The following KATNIP variants were observed in gnomAD, a reference collection of about 807,000 sequenced individuals.
KATNIP encodes the protein katanin-interacting protein.
In KATNIP, 126 loss-of-function variants were observed where a neutral mutation model predicts 174.0. The ratio of observed to expected loss-of-function variants is 0.72; its 90% CI spans 0.63 to 0.84. The LOEUF (loss-of-function observed/expected upper bound fraction) is 0.84. Among genes scored for constraint, KATNIP ranks in the 40% least tolerant of loss-of-function variants. KATNIP has a pLI of 0.00. For synonymous variants in KATNIP, 810 were observed against 835.7 expected (o/e 0.97, Z 0.53); for missense variants, 1,958 against 2,109.7 (o/e 0.93, Z 1.41).
intron 20 of KATNIP, among the ~76,000 whole-genome samples, chr16:27,768,703 A>G (rs1240555784): frequency 6.6e-6 from 1 of 152,180 alleles, no homozygotes; most frequent in Non-Finnish European, 1.5e-5. Context: ...TTCTAGTGAC[A>G]GCCACGCCCG....
intron 23 of KATNIP, among the ~76,000 whole-genome samples, chr16:27,774,022 G>A (rs1252313740): frequency 1.3e-5 from 2 of 152,178 alleles, no homozygotes; most frequent in Non-Finnish European, 2.9e-5. Context: ...GCCAGTGAGT[G>A]TCCAGACACC....
rs1411419372 is a variant in KATNIP at position 27,701,634 on chromosome 16, G to A, written c.1225G>A (p.Ala409Thr). Reference sequence around the variant, plus strand: ...GACTACTACTCAGGAGCCGGCCGGGGCAGCAGGAGGAGCCAGGGCCATCAA... The same window carrying A: ...GACTACTACTCAGGAGCCGGCCGGGACAGCAGGAGGAGCCAGGGCCATCAA... Reference protein sequence around the residue: ...TATTTQEPAGAAGGARAINQA... With the variant: ...TATTTQEPAGTAGGARAINQA... The change falls in exon 11 of 28, where the codon GCA becomes ACA. Residue 409 changes from alanine to threonine, a missense_variant. Ala to Thr is a moderately conservative substitution (Grantham distance 58, BLOSUM62 0). Around this residue, in one of 3 missense-constraint regions of KATNIP, gnomAD observed 1,557 missense variants for 1,617.8 expected, o/e 0.96. Coordinates refer to ENST00000261588, the MANE Select transcript of KATNIP (RefSeq NM_015202.5). 3.1e-6 allele frequency: 5 copies of A among 1,607,870 alleles called. No homozygotes were observed. The highest frequency in any genetic ancestry group is 2.2e-5 in the East Asian group (1 of 44,758).
Position 27,573,907 on chromosome 16 carries a change from C to T in KATNIP, c.14C>T (p.Thr5Ile), listed in dbSNP as rs941053203. The T allele has an allele frequency of 1.9e-6, 3 of 1,613,996 alleles. No individual in the cohort carries two copies. The African/African-American group carries it at 4.0e-5, about 22-fold the overall frequency. The change falls in exon 2 of 28, where the codon ACT (threonine) becomes ATT (isoleucine). Residue 5 changes from threonine (T) to isoleucine (I), a missense_variant. Thr to Ile is a moderately conservative substitution (Grantham distance 89). Transcript: ENST00000261588. MDGQTLRKAERSWSC... is the reference protein window; with the variant it reads MDGQILRKAERSWSC... Reference sequence around the variant, plus strand: ...TGCTTTTGAACTGCGACAGGTCAGACTCTGCGAAAGGCCGAGAGAAGCTGG... The same window carrying T: ...TGCTTTTGAACTGCGACAGGTCAGATTCTGCGAAAGGCCGAGAGAAGCTGG...
rs1388692216 is a variant in KATNIP, at chr16:27,776,314, G to A, written c.4450-614G>A. Among the ~76,000 whole-genome samples, 1 of 152,124 alleles carries A rather than the reference G, an allele frequency of 6.6e-6. No homozygotes were observed. Among genetic ancestry groups the A allele is most frequent in the Non-Finnish European group, 1.5e-5 (1 of 68,024 alleles). ...TTCTTGATTCTGTCTTGCAAGGGAG[G>A]GCCTCCCCTAATATCTGAGAGCTTT... On this transcript the variant is annotated intron_variant, in intron 24 of 27. Coordinates refer to ENST00000261588, the MANE Select transcript of KATNIP (RefSeq NM_015202.5). The surrounding 1 kb of genome is among the most constrained non-coding windows in gnomAD (Gnocchi z 4.7).
intron 5 of KATNIP, among the ~76,000 whole-genome samples, chr16:27,647,868 C>T (rs2077004831): frequency 6.6e-6 from 1 of 152,116 alleles, no homozygotes; most frequent in Non-Finnish European, 1.5e-5. Context: ...CTAGGCTGGG[C>T]TCCAACTCCT....
intron 1 of KATNIP, among the ~76,000 whole-genome samples, chr16:27,551,428 A>G (rs2089360899): frequency 6.6e-6 from 1 of 152,210 alleles, no homozygotes; most frequent in Non-Finnish European, 1.5e-5. Flanking sequence ...GGAAAGGTCA[A>G]TGTAATGTTG....
chr16:27,695,375 C>T (rs1238676614), intron 8 of KATNIP, among the ~76,000 whole-genome samples: 2 of 152,196 alleles, frequency 1.3e-5, no homozygotes, highest in Non-Finnish European at 2.9e-5. Context: ...AACCTATACC[C>T]CTGCTGGCTC....
intron 8 of KATNIP, among the ~76,000 whole-genome samples, chr16:27,691,641 A>C (rs374746101): frequency 1.5e-4 from 23 of 152,354 alleles, no homozygotes; most frequent in African/African-American, 3.6e-4. Flanking sequence ...ACGGTTCTGG[A>C]AAGCCAGGAT....
intron 2 of KATNIP, among the ~76,000 whole-genome samples, chr16:27,576,424 C>A (rs778520182): frequency 2.6e-5 from 4 of 151,836 alleles, no homozygotes; most frequent in Non-Finnish European, 5.9e-5. Flanking sequence ...AGCTTTTGTT[C>A]GGTTAGAAAA....
chr16:27,721,730 GGGTTGAT>G, intron 14 of KATNIP, 35 bp downstream of exon 14: 1 of 1,605,684 alleles, frequency 6.2e-7, no homozygotes, highest in Non-Finnish European at 8.5e-7. Flanking sequence ...ACTGGGCACT[GGGTTGAT>G]GGAAGCACTT....
At chr16:27,612,251 G>A (rs2075912395) in intron 2 of KATNIP, among the ~76,000 whole-genome samples, 1 of 152,156 alleles carries the variant, frequency 6.6e-6, no homozygotes, top group African/African-American at 2.4e-5. Context: ...ACAGGTACAG[G>A]CATCACCCCA....
chr16:27,576,448 C>A (rs2090498638), intron 2 of KATNIP, among the ~76,000 whole-genome samples: 1 of 151,984 alleles, frequency 6.6e-6, no homozygotes, highest in Non-Finnish European at 1.5e-5. Context: ...AAACAAAAAA[C>A]CAACCCCAAA....
At position 27,671,786 on chromosome 16, in the gene KATNIP, T is replaced by G. The variant is rs140841279; in HGVS notation, c.541-5943T>G. The stretch of plus-strand genomic sequence containing the variant: ...AAAGCAGAAATCAGGCCAGGCGCAG[T>G]GGCTCGCGCCTGTAATCCCAGCACT... On this transcript the variant is annotated intron_variant, in intron 6 of 27. Transcript: ENST00000261588. 6.7e-3 allele frequency among the ~76,000 whole-genome samples: 1,025 copies of G among 152,334 alleles called. 6 individuals are homozygous for G. Among genetic ancestry groups the G allele is most frequent in the African/African-American group, 0.023 (968 of 41,576 alleles).
chr16:27,743,266 G>A (rs2081172178), intron 15 of KATNIP, among the ~76,000 whole-genome samples: 1 of 152,066 alleles, frequency 6.6e-6, no homozygotes, highest in Non-Finnish European at 1.5e-5. Context: ...TCATTGATGG[G>A]TATTTGGGTT....
chr16:27,736,274 A>T (rs913701264), intron 14 of KATNIP, among the ~76,000 whole-genome samples: 2 of 152,188 alleles, frequency 1.3e-5, no homozygotes, highest in Admixed American at 6.5e-5. Context: ...AAGTGTTGGG[A>T]TTACAAGCAT....
intron 17 of KATNIP, among the ~76,000 whole-genome samples, chr16:27,752,983 G>T (rs1205616680): frequency 4.6e-5 from 7 of 152,234 alleles, no homozygotes; most frequent in African/African-American, 9.6e-5. Context: ...AAGGGATGGG[G>T]CTGGGCTGTG....
At chr16:27,619,021 G>T (rs2076122928) in intron 3 of KATNIP, among the ~76,000 whole-genome samples, 1 of 152,232 alleles carries the variant, frequency 6.6e-6, no homozygotes, top group South Asian at 2.1e-4. Flanking sequence ...AGCGATCAAG[G>T]TCAAAACATC....
In KATNIP at chr16:27,777,941, G is replaced by A. The variant is rs770629496; in HGVS notation, c.4773G>A (p.Ala1591=). 6.2e-6 allele frequency: 10 copies of A among 1,613,996 alleles called. No individual in the cohort carries two copies. The highest frequency in any genetic ancestry group is 2.7e-5 in the African/African-American group (2 of 74,936). The change falls in exon 27 of 28, where the codon GCG becomes GCA. Residue 1591 remains alanine (A), a synonymous_variant. Transcript: ENST00000261588. The surrounding 1 kb of genome is among the most constrained non-coding windows in gnomAD (Gnocchi z 4.4). The part of the protein sequence containing the change: ...MMNENQIITN[A]KRKQSVVDPA... Reference sequence around the variant, plus strand: ...ATGAAAACCAAATCATTACCAACGCGAAACGGAAGCAGAGCGTTGTTGACC... The same window carrying A: ...ATGAAAACCAAATCATTACCAACGCAAAACGGAAGCAGAGCGTTGTTGACC...
At chr16:27,770,324 T>C (rs1052271629) in intron 21 of KATNIP, among the ~76,000 whole-genome samples, 1 of 152,180 alleles carries the variant, frequency 6.6e-6, no homozygotes, top group African/African-American at 2.4e-5. Context: ...TGCCGGCCAG[T>C]TTGGGGAAGG....
Sources: gnomAD v4.1 joint callset for allele counts (sites outside exome capture counted in the v4.1 genomes callset) on GRCh38, gnomAD v4.1.1 for gene constraint, gnomAD v4.1.1 regional missense constraint, Gnocchi (gnomAD v3.1) non-coding constraint, MANE v1.5 for transcripts, NCBI Gene and HGNC (gene_info 2026-07-23, HGNC 2026-07-21) for gene names.